Variants in PARD3B observed in about 807,000 individuals in gnomAD.
PARD3B encodes the protein partitioning defective 3 homolog B.
A neutral mutation model predicts 130.2 loss-of-function variants in PARD3B; 103 were observed. The ratio of observed to expected loss-of-function variants is 0.79; its 90% confidence interval spans 0.67 to 0.93. PARD3B has a LOEUF of 0.93. Among genes scored for constraint, PARD3B ranks in the 40% least tolerant of loss-of-function variants. The pLI is 0.00. For missense variants in PARD3B, 1,609 were observed against 1,499.2 expected (o/e 1.07, Z -1.21); for synonymous variants, 583 against 553.2 (o/e 1.05, Z -0.76).
At chr2:205,018,476 A>G (rs910896473) in intron 3 of PARD3B, among the ~76,000 whole-genome samples, 2 of 152,120 alleles carry the variant, frequency 1.3e-5, no homozygotes, top group Non-Finnish European at 2.9e-5. Flanking sequence ...ATCTGCAAAT[A>G]AGAGCATTGG....
chr2:205,504,224 C>T (rs1422340623), intron 21 of PARD3B, among the ~76,000 whole-genome samples: 1 of 152,082 alleles, frequency 6.6e-6, no homozygotes, highest in Non-Finnish European at 1.5e-5. Flanking sequence ...CTTCCTTACA[C>T]CTTATACAAA....
intron 21 of PARD3B, among the ~76,000 whole-genome samples, chr2:205,509,404 T>C (rs931053651): frequency 8.5e-5 from 13 of 152,094 alleles, no homozygotes; most frequent in Non-Finnish European, 1.8e-4. Flanking sequence ...GCCCTTCCCA[T>C]CTACCGGTCT....
intron 18 of PARD3B, among the ~76,000 whole-genome samples, chr2:205,324,482 C>T (rs1006315881): frequency 3.9e-5 from 6 of 152,034 alleles, no homozygotes; most frequent in African/African-American, 1.4e-4. Flanking sequence ...CTGAAATTTC[C>T]TTTCTTGAAA....
At chr2:205,369,122 G>A (rs2044718362) in intron 18 of PARD3B, among the ~76,000 whole-genome samples, 1 of 152,174 alleles carries the variant, frequency 6.6e-6, no homozygotes, top group African/African-American at 2.4e-5. Flanking sequence ...GAGAAATTGG[G>A]TGCCTTAAAG....
intron 3 of PARD3B, among the ~76,000 whole-genome samples, chr2:205,025,477 A>C (rs1696946593): frequency 6.6e-6 from 1 of 152,198 alleles, no homozygotes; most frequent in South Asian, 2.1e-4. Flanking sequence ...TCTCACAGTG[A>C]GTCCCAATTA....
At chr2:204,690,008 AAATT>A (rs535258818) in intron 2 of PARD3B, among the ~76,000 whole-genome samples, 1 of 152,202 alleles carries the variant, frequency 6.6e-6, no homozygotes, top group African/African-American at 2.4e-5. Context: ...ATTTATTTAT[AAATT>A]AATTCAGAAT....
At chr2:205,210,165 A>G (rs2037549363) in intron 15 of PARD3B, among the ~76,000 whole-genome samples, 1 of 152,094 alleles carries the variant, frequency 6.6e-6, no homozygotes, top group South Asian at 2.1e-4. Context: ...TGGGAGTTTG[A>G]GACCAGCCTC....
At chr2:205,330,405 T>C (rs1317422495) in intron 18 of PARD3B, among the ~76,000 whole-genome samples, 1 of 152,212 alleles carries the variant, frequency 6.6e-6, no homozygotes, top group Non-Finnish European at 1.5e-5. Flanking sequence ...TGTTGGACTC[T>C]TGCTAGCCTT....
At chr2:205,162,211 T>C (rs529757425) in intron 11 of PARD3B, among the ~76,000 whole-genome samples, 3 of 152,350 alleles carry the variant, frequency 2.0e-5, no homozygotes, top group South Asian at 2.1e-4. Context: ...ACAATAATTC[T>C]ACCCTGCTCA....
intron 1 of PARD3B, among the ~76,000 whole-genome samples, chr2:204,601,552 T>C (rs2033514310): frequency 6.6e-6 from 1 of 152,008 alleles, no homozygotes; most frequent in South Asian, 2.1e-4. Context: ...TTAAAATAAA[T>C]AGGCTTCCCA....
At chr2:204,984,767 A>C (rs1692986790) in intron 3 of PARD3B, among the ~76,000 whole-genome samples, 1 of 152,052 alleles carries the variant, frequency 6.6e-6, no homozygotes, top group East Asian at 1.9e-4. Context: ...CACTTTAGGC[A>C]CTTAGATATG....
At chr2:205,409,180 CAGT>C (rs2046512046) in intron 19 of PARD3B, among the ~76,000 whole-genome samples, 1 of 152,070 alleles carries the variant, frequency 6.6e-6, no homozygotes, top group African/African-American at 2.4e-5. Flanking sequence ...CTAACCAACT[CAGT>C]GAATGAAAAG....
At chr2:204,800,220 G>A (rs1256184923) in intron 2 of PARD3B, among the ~76,000 whole-genome samples, 1 of 152,050 alleles carries the variant, frequency 6.6e-6, no homozygotes, top group Non-Finnish European at 1.5e-5. Context: ...TTCTAGAGGT[G>A]GAAAATGCAG....
chr2:204,733,065 C>A (rs1469312055), intron 2 of PARD3B, among the ~76,000 whole-genome samples: 1 of 152,012 alleles, frequency 6.6e-6, no homozygotes, highest in Non-Finnish European at 1.5e-5. Context: ...TGTTCCCCAA[C>A]CTAGAAGATG....
At chr2:204,558,099 A>G (rs762775213) in intron 1 of PARD3B, 2 of 152,156 alleles carry the variant, frequency 1.3e-5, no homozygotes, top group Non-Finnish European at 2.9e-5. Flanking sequence ...TTGGATTGCA[A>G]TGTGGTGGAA....
chr2:204,716,346 T>G (rs569970790), intron 2 of PARD3B, among the ~76,000 whole-genome samples: 2 of 152,146 alleles, frequency 1.3e-5, no homozygotes, highest in East Asian at 3.9e-4. Context: ...CAAATCAGAA[T>G]CTGCATTGTA....
At chr2:205,059,135 G>C (rs1429156278) in intron 4 of PARD3B, among the ~76,000 whole-genome samples, 1 of 151,872 alleles carries the variant, frequency 6.6e-6, no homozygotes, top group Non-Finnish European at 1.5e-5. Context: ...TCCAACTTCA[G>C]TCATTTGCCT....
At chr2:205,593,367 C>T (rs1331525062) in intron 22 of PARD3B, among the ~76,000 whole-genome samples, 1 of 152,148 alleles carries the variant, frequency 6.6e-6, no homozygotes, top group African/African-American at 2.4e-5. Flanking sequence ...GTAGTTGATG[C>T]ATTTTTTAAA....
At chr2:204,704,808 AATG>A (rs780534021) in intron 2 of PARD3B, among the ~76,000 whole-genome samples, 13 of 152,062 alleles carry the variant, frequency 8.5e-5, no homozygotes, top group Non-Finnish European at 1.8e-4. Context: ...ATGCTTGGAG[AATG>A]ATAACAAAAA....
Sources: gnomAD v4.1 joint callset for allele counts (sites outside exome capture counted in the v4.1 genomes callset) on GRCh38, gnomAD v4.1.1 for gene constraint, MANE v1.5 for transcripts, NCBI Gene and HGNC (gene_info 2026-07-23, HGNC 2026-07-21) for gene names.